The following ZDHHC20 variants were observed in gnomAD, a reference collection of about 807,000 sequenced individuals.
The protein encoded by ZDHHC20 is zDHHC palmitoyltransferase 20, also known as palmitoyltransferase ZDHHC20.
In ZDHHC20, 43 loss-of-function variants were observed where a neutral mutation model predicts 57.8. That is an observed-to-expected ratio of 0.74 (90% CI 0.58 to 0.96). The LOEUF (loss-of-function observed/expected upper bound fraction) is 0.96. Among genes scored for constraint, ZDHHC20 ranks in the 40% least tolerant of loss-of-function variants. The pLI is 0.00. For missense variants in ZDHHC20, 391 were observed against 441.1 expected (o/e 0.89, Z 1.02); for synonymous variants, 157 against 153.0 (o/e 1.03, Z -0.19).
At chr13:21,405,185 A>G (rs1593217534) in intron 4 of ZDHHC20, among the ~76,000 whole-genome samples, 1 of 152,142 alleles carries the variant, frequency 6.6e-6, no homozygotes, top group African/African-American at 2.4e-5. Context: ...GTAAATAAGA[A>G]TTTCTCTAGA....
chr13:21,436,079 G>T (rs1882510744), intron 1 of ZDHHC20, among the ~76,000 whole-genome samples: 1 of 152,202 alleles, frequency 6.6e-6, no homozygotes, highest in Non-Finnish European at 1.5e-5. Flanking sequence ...GAAAGTGCTG[G>T]AAGCTATCTG....
chr13:21,380,938 AT>A (rs1322917160), intron 11 of ZDHHC20, among the ~76,000 whole-genome samples: 3 of 152,022 alleles, frequency 2.0e-5, no homozygotes, highest in Non-Finnish European at 2.9e-5. Flanking sequence ...TCCTCGCTCT[AT>A]CCCTTCCTCA....
chr13:21,425,753 T>G (rs1881175837), intron 1 of ZDHHC20, 75 bp from the exon 2 acceptor site: 1 of 891,856 alleles, frequency 1.1e-6, no homozygotes, highest in East Asian at 4.8e-5. Flanking sequence ...AGGTTGAATA[T>G]TCATCTTAAT....
chr13:21,374,303 C>T lies in ZDHHC20; in HGVS notation c.*2393G>A, dbSNP rs1316226240. The T allele has an allele frequency of 4.2e-5, 17 of 405,636 alleles. No individual in the cohort carries two copies. Among genetic ancestry groups the T allele is most frequent in the Admixed American group, 1.0e-4 (4 of 39,764 alleles). The allele number at this position is 405,636 out of a possible 1,614,324, so 25.1% of individuals were successfully genotyped here. A position where few individuals can be genotyped will look rare whatever the true frequency, so the allele number is the denominator to read the frequency against. On this transcript the variant is annotated 3_prime_UTR_variant, in exon 13 of 13. Coordinates refer to ENST00000400590, the MANE Select transcript of ZDHHC20 (RefSeq NM_001330059.2). ...GCAGTGGCACGATCTCGGCTCACTG[C>T]GACCTCCACCTCCTGGGTTCAAGTG...
chr13:21,429,802 T>C (rs1219650237), intron 1 of ZDHHC20, among the ~76,000 whole-genome samples: 1 of 152,228 alleles, frequency 6.6e-6, no homozygotes, highest in Non-Finnish European at 1.5e-5. Flanking sequence ...ATATTTTCTC[T>C]CTTTTGTTCA....
At chr13:21,384,764 G>A (rs544416976) in intron 9 of ZDHHC20, among the ~76,000 whole-genome samples, 1 of 152,230 alleles carries the variant, frequency 6.6e-6, no homozygotes, top group South Asian at 2.1e-4. Context: ...CGCTAAACTA[G>A]CACTACAGAA....
chr13:21,376,543 A>AGG lies in ZDHHC20; in HGVS notation c.*151_*152dup. Reference sequence around the variant, plus strand: ...TCTGTGAATCCCAGGAACTGTACAAAGGCTTTCCGTTTTAAAAAATATATC... The same window carrying AGG: ...TCTGTGAATCCCAGGAACTGTACAAAGGGGCTTTCCGTTTTAAAAAATATATC... On this transcript the variant is annotated 3_prime_UTR_variant, in exon 13 of 13. Transcript: ENST00000400590. 1.1e-6 allele frequency: 1 copy of AGG among 883,218 alleles called. No homozygotes were observed. The highest frequency in any genetic ancestry group is 3.1e-5 in the East Asian group (1 of 32,612). 54.7% of individuals were successfully genotyped at this position (883,218 alleles called of 1,614,324 possible).
At chr13:21,443,477 C>CA (rs1203091710) in intron 1 of ZDHHC20, among the ~76,000 whole-genome samples, 1 of 152,210 alleles carries the variant, frequency 6.6e-6, no homozygotes, top group Non-Finnish European at 1.5e-5. Context: ...TTTCCCCACT[C>CA]ACATATAAAC....
At chr13:21,414,394 T>G (rs1044052346) in intron 3 of ZDHHC20, among the ~76,000 whole-genome samples, 1 of 151,506 alleles carries the variant, frequency 6.6e-6, no homozygotes, top group African/African-American at 2.4e-5. Flanking sequence ...GGAGTCTTGC[T>G]CTGTCGCCCA....
chr13:21,402,898 A>G (rs778401743), intron 4 of ZDHHC20, 32 bp from the exon 5 acceptor site: 1 of 1,517,330 alleles, frequency 6.6e-7, no homozygotes, highest in African/African-American at 1.4e-5. Flanking sequence ...AAGATGCTGA[A>G]GGATGTACAA....
At chr13:21,429,550 G>T (rs1881676781) in intron 1 of ZDHHC20, among the ~76,000 whole-genome samples, 1 of 152,134 alleles carries the variant, frequency 6.6e-6, no homozygotes, top group Non-Finnish European at 1.5e-5. Flanking sequence ...TCAGAAATTT[G>T]GTTATAATGT....
At chr13:21,447,551 C>A (rs910122678) in intron 1 of ZDHHC20, among the ~76,000 whole-genome samples, 11 of 147,108 alleles carry the variant, frequency 7.5e-5, no homozygotes, top group Non-Finnish European at 1.7e-4. Flanking sequence ...CCCGAGGTGC[C>A]GGGATTGCAG....
intron 8 of ZDHHC20, chr13:21,390,091 T>A (rs995454193): frequency 1.3e-5 from 2 of 152,132 alleles, no homozygotes. Flanking sequence ...ACAACACAGC[T>A]CAGTAACACA....
chr13:21,405,967 G>A (rs1446190773), intron 4 of ZDHHC20, among the ~76,000 whole-genome samples: 1 of 152,140 alleles, frequency 6.6e-6, no homozygotes, highest in African/African-American at 2.4e-5. Context: ...CATTTGAAAC[G>A]GACTCTGTGA....
chr13:21,403,940 G>A (rs938779551), intron 4 of ZDHHC20, among the ~76,000 whole-genome samples: 3 of 152,080 alleles, frequency 2.0e-5, no homozygotes, highest in Non-Finnish European at 4.4e-5. Context: ...CACCCACCTC[G>A]GCCTCCCAAA....
intron 2 of ZDHHC20, among the ~76,000 whole-genome samples, chr13:21,425,195 A>C (rs971424741): frequency 6.6e-6 from 1 of 152,194 alleles, no homozygotes; most frequent in Non-Finnish European, 1.5e-5. Flanking sequence ...GCAATTTACA[A>C]ATTTACAGTC....
chr13:21,389,401 G>A (rs1035664737), intron 8 of ZDHHC20, among the ~76,000 whole-genome samples: 3 of 152,030 alleles, frequency 2.0e-5, no homozygotes, highest in Admixed American at 6.5e-5. Flanking sequence ...CTTGCAACCC[G>A]CATTTCCTTT....
Position 21,378,751 on chromosome 13 carries a change from AATT to A in ZDHHC20, c.1061-16_1061-14del. On this transcript the variant is annotated splice_polypyrimidine_tract_variant and intron_variant, in intron 11 of 12. Transcript: ENST00000400590. ...TGGTTATTTGTCCCTGTAAGCATAT[AATT>A]ATATATGACATGACAAAAAAAAAAA... The A allele has an allele frequency of 7.4e-7, 1 of 1,347,310 alleles. No individual in the cohort carries two copies. The highest frequency in any genetic ancestry group is 9.8e-7 in the Non-Finnish European group (1 of 1,015,796). The allele number at this position is 1,347,310 out of a possible 1,614,324, so 83.5% of individuals were successfully genotyped here. A position where few individuals can be genotyped will look rare whatever the true frequency, so the allele number is the denominator to read the frequency against.
rs868551315 is a variant in ZDHHC20 at position 21,401,683 on chromosome 13, C to T, written c.443G>A (p.Cys148Tyr). 6.6e-7 allele frequency: 1 copy of T among 1,516,994 alleles called. No individual in the cohort carries two copies. Among genetic ancestry groups the T allele is most frequent in the South Asian group, 1.4e-5 (1 of 73,532 alleles). 94.0% of individuals were successfully genotyped at this position (1,516,994 alleles called of 1,614,324 possible). A position where few individuals can be genotyped will look rare whatever the true frequency, so the allele number is the denominator to read the frequency against. Residue 148 changes from cysteine (C) to tyrosine (Y), a missense_variant and splice_region_variant, in exon 6 of 13, where the codon TGT (cysteine) becomes TAT (tyrosine). Transcript: ENST00000400590. The part of the protein sequence containing the change: ...RAHHCSACDS[C>Y]ILKMDHHCPW... ...ACAGTGATGATCCATCTTAAGAATA[C>T]ATCTAGGAAACAAACAAGCATAAGA...
Sources: allele counts gnomAD v4.1 joint callset (sites outside exome capture counted in the v4.1 genomes callset), GRCh38; gene constraint gnomAD v4.1.1; transcripts MANE v1.5; gene names NCBI Gene and HGNC (gene_info 2026-07-23, HGNC 2026-07-21).